WDR4: variants seen among roughly 807,000 people sequenced by gnomAD.
The protein encoded by WDR4 is WDR4 tRNA N7-guanosine methyltransferase non-catalytic subunit.
In WDR4, 47 loss-of-function variants were observed where a neutral mutation model predicts 48.6. That is an observed-to-expected ratio of 0.97 (90% CI 0.77 to 1.23). The LOEUF is 1.23. Among genes scored for constraint, WDR4 ranks in the 50% most tolerant of loss-of-function variants. WDR4 has a pLI of 0.00. For missense variants in WDR4, 606 were observed against 551.6 expected, an observed-to-expected ratio of 1.10 and a Z score of -0.99; for synonymous variants, 268 against 230.0, an observed-to-expected ratio of 1.17 and a Z score of -1.49.
At chr21:42,855,186 T>G (rs1176228356) in intron 7 of WDR4, among the ~76,000 whole-genome samples, 2 of 152,080 alleles carry the variant, frequency 1.3e-5, no homozygotes, top group African/African-American at 4.8e-5. Context: ...TGAGTCCACG[T>G]GAAGCATGAA....
At chr21:42,856,793 GCACACA>G (rs564504505) in intron 6 of WDR4, among the ~76,000 whole-genome samples, 5 of 151,576 alleles carry the variant, frequency 3.3e-5, no homozygotes, top group Non-Finnish European at 4.4e-5. Flanking sequence ...ACATACACAC[GCACACA>G]CACACACCTT....
In WDR4 at chr21:42,875,245, T is replaced by C. The variant is rs142256874; in HGVS notation, c.155+1457A>G. On this transcript the variant is annotated intron_variant, in intron 2 of 10. Transcript: ENST00000398208. The stretch of plus-strand genomic sequence containing the variant: ...GGGTAACATGGCGAAACCACGTCTC[T>C]ACAAAAAACTACAAAAATTAGGCAG... Among the ~76,000 whole-genome samples, 579 of 152,094 alleles carry C rather than the reference T, an allele frequency of 3.8e-3. 4 individuals are homozygous for C. The highest frequency in any genetic ancestry group is 0.013 in the African/African-American group (533 of 41,488).
chr21:42,879,900 G>A (rs184307933), upstream of WDR4: 70 of 399,196 alleles, frequency 1.8e-4, no homozygotes, highest in African/African-American at 1.4e-3. Flanking sequence ...TGAACCGGGG[G>A]CCGTGGCTCA....
intron 3 of WDR4, among the ~76,000 whole-genome samples, chr21:42,871,590 C>T (rs968030788): frequency 3.9e-5 from 6 of 152,184 alleles, no homozygotes; most frequent in African/African-American, 1.2e-4. Flanking sequence ...ATAAAGATGA[C>T]GCGATCCACA....
chr21:42,862,491 G>T lies in WDR4; in HGVS notation c.454-97C>A. 8.5e-7 allele frequency: 1 copy of T among 1,169,882 alleles called. No homozygotes were observed. Among genetic ancestry groups the T allele is most frequent in the Non-Finnish European group, 1.2e-6 (1 of 821,318 alleles). 72.5% of individuals were successfully genotyped at this position (1,169,882 alleles called of 1,614,324 possible). A position where few individuals can be genotyped will look rare whatever the true frequency, so the allele number is the denominator to read the frequency against. On this transcript the variant is annotated intron_variant, in intron 4 of 10. Transcript: ENST00000398208. This position sits in a 1 kb window ranked among gnomAD's most constrained non-coding sequence, Gnocchi z 4.3. ...AAGGCAGGGAAGCTGCAGCCTGGCC[G>T]CCAAGAGGATGAGGCCTTCGAGGAC...
intron 10 of WDR4, among the ~76,000 whole-genome samples, chr21:42,850,972 G>A (rs1304145830): frequency 7.2e-5 from 11 of 152,166 alleles, no homozygotes; most frequent in Admixed American, 6.5e-4. Context: ...CCAGCAGGTG[G>A]CGCAGCCTCC....
intron 6 of WDR4, among the ~76,000 whole-genome samples, 154 bp downstream of exon 6, chr21:42,859,508 G>A (rs189479232): frequency 3.3e-4 from 50 of 151,878 alleles, no homozygotes; most frequent in East Asian, 3.9e-4. Context: ...GGCCGCAGGC[G>A]GGGAGCGAGC....
At chr21:42,844,216 G>A (rs2145975918) in intron 11 of WDR4, among the ~76,000 whole-genome samples, 1 of 152,292 alleles carries the variant, frequency 6.6e-6, no homozygotes, top group Admixed American at 6.5e-5. Context: ...ACTGCAGGAG[G>A]CAGGGGAAGA....
chr21:42,844,748 C>G (rs116747084), downstream of WDR4, among the ~76,000 whole-genome samples: 1,393 of 152,308 alleles, frequency 9.1e-3, 27 homozygotes, highest in African/African-American at 0.031. Context: ...AGGCAGACGC[C>G]CTGGGAGCTG....
intron 1 of WDR4, 77 bp downstream of exon 1, chr21:42,879,330 C>T: frequency 1.3e-6 from 2 of 1,566,604 alleles, no homozygotes; most frequent in South Asian, 1.2e-5. Flanking sequence ...CCAGGCGGTG[C>T]GGGAGAAGCG....
At chr21:42,848,677 TCA>T (rs1326178323), downstream of WDR4, among the ~76,000 whole-genome samples, 11 of 65,244 alleles carry the variant, frequency 1.7e-4, no homozygotes, top group East Asian at 1.1e-3. Context: ...CGCACCTCAC[TCA>T]CACAGCGCAC....
At chr21:42,860,047 G>A (rs1456243766) in intron 5 of WDR4, among the ~76,000 whole-genome samples, 1 of 152,130 alleles carries the variant, frequency 6.6e-6, no homozygotes, top group Non-Finnish European at 1.5e-5. Context: ...CCCCTCTGCA[G>A]CAGCTCTGCT....
chr21:42,844,080 C>T (rs191400629), intron 11 of WDR4, among the ~76,000 whole-genome samples: 67 of 152,224 alleles, frequency 4.4e-4, no homozygotes, highest in African/African-American at 1.4e-3. Context: ...TTAACAGCAG[C>T]TTAAAAGATC....
At chr21:42,854,460 C>CA (rs1476836097) in intron 8 of WDR4, 102 bp downstream of exon 8, 21 of 1,209,908 alleles carry the variant, frequency 1.7e-5, no homozygotes, top group Non-Finnish European at 2.4e-5. Flanking sequence ...CACCACCGTT[C>CA]AGGACCTCTT....
In WDR4 at chr21:42,863,567, G is replaced by A. The variant is rs200888820; in HGVS notation, c.326C>T (p.Thr109Ile). The A allele has an allele frequency of 1.4e-5, 23 of 1,613,992 alleles. No individual in the cohort carries two copies. Among genetic ancestry groups the A allele is most frequent in the African/African-American group, 2.7e-5 (2 of 74,976 alleles). The change falls in exon 4 of 11, where the codon ACT (threonine) becomes ATT (isoleucine). Residue 109 changes from threonine to isoleucine, a missense_variant. Thr to Ile is a moderately conservative substitution (Grantham distance 89). Transcript: ENST00000398208. ...GACCTTCTCCTCCGAGGCTATGAAA[G>A]TCAGGGCTGTACACCTCCTTGCCAC... ...RTVARRCTAL[T>I]FIASEEKVLV...
At position 42,862,115 on chromosome 21, in the gene WDR4, C is replaced by T. The variant is rs1216352125; in HGVS notation, c.566+167G>A. On this transcript the variant is annotated intron_variant, in intron 5 of 10. Coordinates refer to ENST00000398208, the MANE Select transcript of WDR4 (RefSeq NM_018669.6). This position sits in a 1 kb window ranked among gnomAD's most constrained non-coding sequence, Gnocchi z 4.3. ...CAGAGTGAACCCCACCCTTTCAGGG[C>T]TTCTGCAGGCAGCACCACGGCGCCT... Among the ~76,000 whole-genome samples, 1 of 152,214 alleles carries T rather than the reference C, an allele frequency of 6.6e-6. No homozygotes were observed. Among genetic ancestry groups the T allele is most frequent in the Non-Finnish European group, 1.5e-5 (1 of 68,028 alleles).
At chr21:42,867,053 G>A (rs904237296) in intron 3 of WDR4, among the ~76,000 whole-genome samples, 2 of 151,966 alleles carry the variant, frequency 1.3e-5, no homozygotes, top group African/African-American at 4.8e-5. Context: ...ACCACCTAAG[G>A]CAAACATTTC....
chr21:42,875,845 T>A (rs974752633), intron 2 of WDR4, among the ~76,000 whole-genome samples: 1 of 151,768 alleles, frequency 6.6e-6, no homozygotes, highest in Non-Finnish European at 1.5e-5. Flanking sequence ...CTTCAACCAT[T>A]ACTTCAAGGA....
intron 11 of WDR4, chr21:42,843,337 C>G (rs111801427): frequency 6.6e-6 from 1 of 150,588 alleles, no homozygotes; most frequent in African/African-American, 2.4e-5. Context: ...CTTAAATTTG[C>G]TCCATATGCT....
Sources: allele counts gnomAD v4.1 joint callset (sites outside exome capture counted in the v4.1 genomes callset), GRCh38; gene constraint gnomAD v4.1.1; non-coding constraint Gnocchi (gnomAD v3.1); transcripts MANE v1.5; gene names NCBI Gene and HGNC (gene_info 2026-07-23, HGNC 2026-07-21).